Variants in CRLF3 observed in about 807,000 individuals in gnomAD.
CRLF3 encodes the protein cytokine receptor-like factor 3.
A neutral mutation model predicts 55.0 loss-of-function variants in CRLF3; 33 were observed. The observed-to-expected ratio is 0.60, with a 90% CI of 0.46 to 0.80. The LOEUF is 0.80. CRLF3 is among the 30% of genes least tolerant of loss of function. CRLF3 has a pLI of 0.00. For missense variants in CRLF3, 494 were observed against 538.4 expected (o/e 0.92, Z 0.82); for synonymous variants, 238 against 196.8 (o/e 1.21, Z -1.75).
In CRLF3 at chr17:30,793,736, A is replaced by C. The variant is rs1336424750; in HGVS notation, c.604-64T>G. The C allele has an allele frequency of 3.3e-6, 4 of 1,208,106 alleles. No homozygotes were observed. The East Asian group carries it at 9.4e-5, about 29-fold the overall frequency. 74.8% of individuals were successfully genotyped at this position (1,208,106 alleles called of 1,614,324 possible). ...ATGACTTCTCTCAGCATCACTGCTT[A>C]AAAATTTTGAACGGAGCCATTTTGG... On this transcript the variant is annotated intron_variant, in intron 4 of 7. Transcript: ENST00000324238.
chr17:30,786,148 C>A (rs1567656689), intron 6 of CRLF3, 117 bp from the exon 7 acceptor site: 3 of 643,176 alleles, frequency 4.7e-6, no homozygotes, highest in East Asian at 2.6e-5. Context: ...CTAAATAGTA[C>A]AGCAACCATG....
rs1476161085 is a variant in CRLF3 at position 30,782,873 on chromosome 17, G to A, written c.*1314C>T. 1 of 150,634 alleles carries A rather than the reference G, an allele frequency of 6.6e-6. No individual in the cohort carries two copies. The highest frequency in any genetic ancestry group is 2.4e-5 in the African/African-American group (1 of 40,962). The allele number at this position is 150,634 out of a possible 1,614,324, so 9.3% of individuals were successfully genotyped here. On this transcript the variant is annotated 3_prime_UTR_variant, in exon 8 of 8. Coordinates refer to ENST00000324238, the MANE Select transcript of CRLF3 (RefSeq NM_015986.4). ...ATTATCTTACAAAAATATCATACTTGCTTTTCTACTTTTTTACTATACTGG... is the reference window on the plus strand; with the variant it reads ...ATTATCTTACAAAAATATCATACTTACTTTTCTACTTTTTTACTATACTGG...
In CRLF3 at chr17:30,824,535, C is replaced by G. The variant is rs1031449420; in HGVS notation, c.117G>C (p.Glu39Asp). The G allele has an allele frequency of 6.3e-7, 1 of 1,592,696 alleles. No homozygotes were observed. Among genetic ancestry groups the G allele is most frequent in the Non-Finnish European group, 8.5e-7 (1 of 1,175,014 alleles). ...ELGHRLEGLR[E>D]ARRQIKESAS... ...GTGGCCCTCCGACCTGCCTCCGCGC[C>G]TCACGCAGCCCCTCAAGCCGGTGAC... The change falls in exon 1 of 8, where the codon GAG becomes GAC. Residue 39 changes from glutamate (E) to aspartate (D), a missense_variant. By Grantham distance (45) the Glu-to-Asp change is conservative. Transcript: ENST00000324238.
intron 1 of CRLF3, among the ~76,000 whole-genome samples, chr17:30,813,423 G>A (rs1361894166): frequency 2.0e-5 from 3 of 152,138 alleles, no homozygotes; most frequent in Admixed American, 1.3e-4. Context: ...CATATCTGGG[G>A]CAGCCACAAA....
In CRLF3 at chr17:30,783,755, T is replaced by C. The variant is rs1971561706; in HGVS notation, c.*432A>G. On this transcript the variant is annotated 3_prime_UTR_variant, in exon 8 of 8. Coordinates refer to ENST00000324238, the MANE Select transcript of CRLF3 (RefSeq NM_015986.4). ...CATGTGGACAGCACATGAACGGATG[T>C]ATTAATACATTACACAGCTTCTTCT... 1 of 159,948 alleles carries C rather than the reference T, an allele frequency of 6.3e-6. No homozygotes were observed. Among genetic ancestry groups the C allele is most frequent in the Non-Finnish European group, 1.4e-5 (1 of 72,838 alleles). 9.9% of individuals were successfully genotyped at this position (159,948 alleles called of 1,614,324 possible).
intron 5 of CRLF3, chr17:30,792,957 G>A (rs1971841740): frequency 2.4e-5 from 1 of 41,806 alleles, no homozygotes. Flanking sequence ...AGGAATTTGA[G>A]ACCAGCCTGG....
Position 30,784,102 on chromosome 17 carries a change from A to C in CRLF3, c.*85T>G, listed in dbSNP as rs1597908709. On this transcript the variant is annotated 3_prime_UTR_variant, in exon 8 of 8. Coordinates refer to ENST00000324238, the MANE Select transcript of CRLF3 (RefSeq NM_015986.4). Reference sequence around the variant, plus strand: ...ATGGCCTAAGTTAGAGATGAATTCAACTTTTTTTTTAAAGCAATTACAACT... The same window carrying C: ...ATGGCCTAAGTTAGAGATGAATTCACCTTTTTTTTTAAAGCAATTACAACT... 8.0e-7 allele frequency: 1 copy of C among 1,256,272 alleles called. No individual in the cohort carries two copies. The highest frequency in any genetic ancestry group is 1.1e-6 in the Non-Finnish European group (1 of 904,072). 77.8% of individuals were successfully genotyped at this position (1,256,272 alleles called of 1,614,324 possible).
intron 1 of CRLF3, among the ~76,000 whole-genome samples, chr17:30,814,725 G>A (rs998138196): frequency 2.0e-5 from 3 of 151,858 alleles, no homozygotes; most frequent in Admixed American, 2.0e-4. Context: ...AAAATTGCCG[G>A]GCATGGTGGC....
rs1452032330 is a variant in CRLF3, at chr17:30,784,031, T to TTTAG, written c.*155_*156insCTAA. On this transcript the variant is annotated 3_prime_UTR_variant, in exon 8 of 8. Transcript: ENST00000324238. ...TGATTTTGTCCACAACATTGAAGTCTCTTTTTGCTAAAATATTACAAAATG... is the reference window on the plus strand; with the variant it reads ...TGATTTTGTCCACAACATTGAAGTCTTTAGCTTTTTGCTAAAATATTACAAAATG... 1 of 647,870 alleles carries TTTAG rather than the reference T, an allele frequency of 1.5e-6. No individual in the cohort carries two copies. Among genetic ancestry groups the TTTAG allele is most frequent in the Non-Finnish European group, 2.6e-6 (1 of 381,840 alleles). 40.1% of individuals were successfully genotyped at this position (647,870 alleles called of 1,614,324 possible). A position where few individuals can be genotyped will look rare whatever the true frequency, so the allele number is the denominator to read the frequency against.
At chr17:30,809,126 T>A (rs1904530051) in intron 1 of CRLF3, among the ~76,000 whole-genome samples, 1 of 152,180 alleles carries the variant, frequency 6.6e-6, no homozygotes, top group Non-Finnish European at 1.5e-5. Context: ...ATTCAAAAGC[T>A]CCTTCAGCTG....
chr17:30,790,605 G>GTTTT (rs1971771612), intron 6 of CRLF3: 6 of 80,838 alleles, frequency 7.4e-5, no homozygotes, highest in African/African-American at 3.2e-4. Context: ...AAATTTTTTT[G>GTTTT]CTTTTTTTTT....
chr17:30,815,084 C>CTTTTTTTTTTTTTTTTT (rs541526248), intron 1 of CRLF3, among the ~76,000 whole-genome samples: 2 of 107,532 alleles, frequency 1.9e-5, no homozygotes, highest in African/African-American at 3.5e-5. Flanking sequence ...TTCTTTCTTT[C>CTTTTTTTTTTTTTTTTT]TTTTTTTTTT....
chr17:30,820,678 G>C (rs1389011965), intron 1 of CRLF3, among the ~76,000 whole-genome samples: 2 of 151,954 alleles, frequency 1.3e-5, no homozygotes, highest in African/African-American at 4.8e-5. Flanking sequence ...TGTAATCCTG[G>C]CTATTCGGGA....
chr17:30,804,140 G>A, intron 1 of CRLF3, 32 bp from the exon 2 acceptor site: 1 of 1,516,150 alleles, frequency 6.6e-7, no homozygotes, highest in Non-Finnish European at 9.1e-7. Context: ...CTCAAAATCA[G>A]AATCTTTAAA....
rs1039682387 is a variant in CRLF3 at position 30,784,249 on chromosome 17, A to G, written c.1267T>C (p.Cys423Arg). The G allele has an allele frequency of 1.2e-5, 19 of 1,613,478 alleles. No homozygotes were observed. In the Admixed American group the frequency reaches 2.5e-4, roughly 21 times the overall value. Residue 423 changes from cysteine (C) to arginine (R), a missense_variant, in exon 8 of 8, where the codon TGT (cysteine) becomes CGT (arginine). By Grantham distance (180) the Cys-to-Arg change is radical. Coordinates refer to ENST00000324238, the MANE Select transcript of CRLF3 (RefSeq NM_015986.4). ...GAGCATCCAAAGTAAAGAGAACCACAAGACTGATCAAGTAACCAGTCAAAA... is the reference window on the plus strand; with the variant it reads ...GAGCATCCAAAGTAAAGAGAACCACGAGACTGATCAAGTAACCAGTCAAAA... Reference protein sequence around the residue: ...VVFDWLLDQSCGSLYFGCSFF... With the variant: ...VVFDWLLDQSRGSLYFGCSFF...
At chr17:30,784,761 T>G in intron 7 of CRLF3, 1 of 159,776 alleles carries the variant, frequency 6.3e-6, no homozygotes, top group Non-Finnish European at 1.2e-5. Context: ...CAACACAATT[T>G]TTTTTTTTTT....
In CRLF3 at chr17:30,822,702, GC is replaced by G. The variant is rs556441831; in HGVS notation, c.129+1820del. Among the ~76,000 whole-genome samples the G allele has an allele frequency of 6.6e-5, 10 of 152,072 alleles. 1 individual carries two copies. The highest frequency in any genetic ancestry group is 2.4e-4 in the African/African-American group (10 of 41,490). On this transcript the variant is annotated intron_variant, in intron 1 of 7. Coordinates refer to ENST00000324238, the MANE Select transcript of CRLF3 (RefSeq NM_015986.4). ...GGGTGTAATCACGATTTTTTTTAAT[GC>G]ATCCAATATCAAGAGAAATTAATTA...
At chr17:30,808,858 G>C (rs1201507826) in intron 1 of CRLF3, among the ~76,000 whole-genome samples, 7 of 152,218 alleles carry the variant, frequency 4.6e-5, no homozygotes, top group Non-Finnish European at 2.9e-5. Context: ...CTCCCAAGGT[G>C]CTGGGATTAC....
At position 30,792,580 on chromosome 17, in the gene CRLF3, A is replaced by G; in HGVS notation, c.827-8T>C. 1 of 1,589,864 alleles carries G rather than the reference A, an allele frequency of 6.3e-7. No individual in the cohort carries two copies. Among genetic ancestry groups the G allele is most frequent in the East Asian group, 2.3e-5 (1 of 44,222 alleles). The stretch of plus-strand genomic sequence containing the variant: ...CAAAACCAGCTGTCCACTCTTTTTC[A>G]AAGCAAAGATATTGAAAACTGTTAG... On this transcript the variant is annotated splice_region_variant and splice_polypyrimidine_tract_variant and intron_variant, in intron 5 of 7. Transcript: ENST00000324238.
Sources: gnomAD v4.1 joint callset for allele counts (sites outside exome capture counted in the v4.1 genomes callset) on GRCh38, gnomAD v4.1.1 for gene constraint, MANE v1.5 for transcripts, NCBI Gene and HGNC (gene_info 2026-07-23, HGNC 2026-07-21) for gene names.